ANKRD33B: variants seen among roughly 807,000 people sequenced by gnomAD.
The protein encoded by ANKRD33B is ankyrin repeat domain 33B.
ANKRD33B carries 6 observed loss-of-function variants against 21.5 expected under a neutral mutation model. The ratio of observed to expected loss-of-function variants is 0.28; its 90% CI spans 0.15 to 0.55. ANKRD33B has a LOEUF of 0.55. Ranked by LOEUF, ANKRD33B falls within the 20% of genes least tolerant of loss-of-function variation. ANKRD33B has a pLI of 0.94. For synonymous variants in ANKRD33B, 347 were observed against 342.4 expected, an observed-to-expected ratio of 1.01 and a Z score of -0.15; for missense variants, 698 against 747.2, an observed-to-expected ratio of 0.93 and a Z score of 0.77.
intron 1 of ANKRD33B, among the ~76,000 whole-genome samples, chr5:10,615,628 G>GTGTC (rs1736268192): frequency 1.3e-5 from 2 of 152,196 alleles, no homozygotes; most frequent in African/African-American, 2.4e-5. Flanking sequence ...GCATATGTGT[G>GTGTC]TGTCTGGTCT....
chr5:10,654,941 A>C lies in ANKRD33B; in HGVS notation c.*4828A>C, dbSNP rs561142017. On this transcript the variant is annotated 3_prime_UTR_variant, in exon 4 of 4. Transcript: ENST00000296657. ...TGTGCAGAGGCTGCCCCTTGGCCGC[A>C]CTTGGGAACATCGTGGACATCTTCC... is the stretch of plus-strand genomic sequence containing the variant. 4 of 152,554 alleles carry C rather than the reference A, an allele frequency of 2.6e-5. No individual in the cohort carries two copies. Among genetic ancestry groups the C allele is most frequent in the African/African-American group, 9.6e-5 (4 of 41,574 alleles). The allele number at this position is 152,554 out of a possible 1,614,324, so 9.5% of individuals were successfully genotyped here. A position where few individuals can be genotyped will look rare whatever the true frequency, so the allele number is the denominator to read the frequency against.
chr5:10,623,408 G>A (rs1002441809), intron 2 of ANKRD33B, among the ~76,000 whole-genome samples: 1 of 152,172 alleles, frequency 6.6e-6, no homozygotes, highest in African/African-American at 2.4e-5. Context: ...GCTTCTCTCT[G>A]TTGCCTTTGG....
chr5:10,632,075 G>A (rs146819125), intron 2 of ANKRD33B, among the ~76,000 whole-genome samples: 4 of 151,718 alleles, frequency 2.6e-5, no homozygotes, highest in African/African-American at 9.7e-5. Flanking sequence ...TCATAGCCAG[G>A]ACTCAGTTTT....
chr5:10,654,252 G>A lies in ANKRD33B; in HGVS notation c.*4139G>A, dbSNP rs751085527. The A allele has an allele frequency of 2.7e-4, 41 of 152,320 alleles. No individual in the cohort carries two copies. The highest frequency in any genetic ancestry group is 4.4e-4 in the Non-Finnish European group (30 of 68,090). 9.4% of individuals were successfully genotyped at this position (152,320 alleles called of 1,614,324 possible). ...TACACGGCTGTGCCTCTCCCACCCCGTCCTCTTTGCTCGGAAGGGAGACCT... is the reference window on the plus strand; with the variant it reads ...TACACGGCTGTGCCTCTCCCACCCCATCCTCTTTGCTCGGAAGGGAGACCT... On this transcript the variant is annotated 3_prime_UTR_variant, in exon 4 of 4. Coordinates refer to ENST00000296657, the MANE Select transcript of ANKRD33B (RefSeq NM_001164440.2).
Position 10,617,253 on chromosome 5 carries a change from C to T in ANKRD33B, c.367-1080C>T, listed in dbSNP as rs367908185. On this transcript the variant is annotated intron_variant, in intron 1 of 3. Transcript: ENST00000296657. ...GCTTGGTTCTCTCTCCATGACTCCACGCTGCTATTCATCTCTACCTGACGT... is the reference window on the plus strand; with the variant it reads ...GCTTGGTTCTCTCTCCATGACTCCATGCTGCTATTCATCTCTACCTGACGT... Among the ~76,000 whole-genome samples, 30 of 152,314 alleles carry T rather than the reference C, an allele frequency of 2.0e-4. No individual in the cohort carries two copies. In the South Asian group the frequency reaches 5.8e-3, roughly 29 times the overall value.
At chr5:10,614,519 C>T (rs1290750612) in intron 1 of ANKRD33B, among the ~76,000 whole-genome samples, 1 of 152,190 alleles carries the variant, frequency 6.6e-6, no homozygotes, top group African/African-American at 2.4e-5. Context: ...GGTCTTCCCA[C>T]CTTGGCCTCC....
chr5:10,638,821 G>T (rs1429726617), intron 3 of ANKRD33B, among the ~76,000 whole-genome samples: 3 of 152,212 alleles, frequency 2.0e-5, no homozygotes, highest in Admixed American at 6.5e-5. Context: ...GGTAATGTTA[G>T]GAGGTGATCC....
At chr5:10,630,794 A>G (rs1197752061) in intron 2 of ANKRD33B, among the ~76,000 whole-genome samples, 1 of 151,236 alleles carries the variant, frequency 6.6e-6, no homozygotes, top group African/African-American at 2.4e-5. Flanking sequence ...AATGGCTTGA[A>G]CCCAGGAGGC....
At chr5:10,640,081 T>C (rs377740560) in intron 3 of ANKRD33B, among the ~76,000 whole-genome samples, 1,311 of 49,260 alleles carry the variant, frequency 0.027, 97 homozygotes, top group African/African-American at 0.081. Flanking sequence ...TGGAGTTGCG[T>C]GGTAATGTTA....
At chr5:10,612,386 A>AT (rs764576771) in intron 1 of ANKRD33B, among the ~76,000 whole-genome samples, 15 of 152,214 alleles carry the variant, frequency 9.9e-5, no homozygotes, top group Non-Finnish European at 2.1e-4. Flanking sequence ...GTCCTCTTGT[A>AT]TAAGGGCACC....
chr5:10,617,398 C>G (rs935493432), intron 1 of ANKRD33B, among the ~76,000 whole-genome samples: 1 of 152,222 alleles, frequency 6.6e-6, no homozygotes, highest in African/African-American at 2.4e-5. Context: ...TGCATCCTCT[C>G]AGCTGCTAGG....
chr5:10,570,364 G>T (rs1735153305), intron 1 of ANKRD33B, among the ~76,000 whole-genome samples: 3 of 152,140 alleles, frequency 2.0e-5, no homozygotes, highest in Admixed American at 6.5e-5. Context: ...CGAATGGCAA[G>T]ACCAAAACAG....
At chr5:10,597,301 C>T (rs1735839674) in intron 1 of ANKRD33B, among the ~76,000 whole-genome samples, 1 of 152,144 alleles carries the variant, frequency 6.6e-6, no homozygotes, top group Admixed American at 6.6e-5. Context: ...AGACTCATCT[C>T]ACATGCAAAG....
chr5:10,646,137 A>AT (rs148261083), intron 3 of ANKRD33B, among the ~76,000 whole-genome samples: 1 of 152,230 alleles, frequency 6.6e-6, no homozygotes, highest in East Asian at 1.9e-4. Context: ...GAAATAGAGG[A>AT]TTTTGTGTAG....
chr5:10,649,923 C>G lies in ANKRD33B; in HGVS notation c.1295C>G (p.Pro432Arg). 6.6e-7 allele frequency: 1 copy of G among 1,524,242 alleles called. No individual in the cohort carries two copies. The highest frequency in any genetic ancestry group is 8.8e-7 in the Non-Finnish European group (1 of 1,141,574). 94.4% of individuals were successfully genotyped at this position (1,524,242 alleles called of 1,614,324 possible). A position where few individuals can be genotyped will look rare whatever the true frequency, so the allele number is the denominator to read the frequency against. Residue 432 changes from proline (P) to arginine (R), a missense_variant, in exon 4 of 4, where the codon CCC becomes CGC. Pro to Arg is a moderately radical substitution (Grantham distance 103, BLOSUM62 -2). Around this residue, in one of 3 missense-constraint regions of ANKRD33B, gnomAD observed 543 missense variants for 566.5 expected, o/e 0.96. Transcript: ENST00000296657. ...VVPRVRVSKA[P>R]APTFQPERPA... ...CCCCGGGTCCGAGTCAGCAAGGCGC[C>G]CGCGCCCACCTTCCAGCCCGAGCGG...
At chr5:10,643,911 C>A (rs11133619) in intron 3 of ANKRD33B, among the ~76,000 whole-genome samples, 2 of 149,608 alleles carry the variant, frequency 1.3e-5, no homozygotes, top group South Asian at 4.2e-4. Flanking sequence ...GTAGAACTTA[C>A]GGAATATTTT....
chr5:10,641,210 C>CTTCTTCTTT (rs1489227099), intron 3 of ANKRD33B, among the ~76,000 whole-genome samples: 1 of 112,264 alleles, frequency 8.9e-6, no homozygotes, highest in Admixed American at 8.6e-5. Context: ...TGTCCCCAGT[C>CTTCTTCTTT]TTCTTCTTCT....
chr5:10,612,691 C>G (rs553332738), intron 1 of ANKRD33B, among the ~76,000 whole-genome samples: 1 of 152,210 alleles, frequency 6.6e-6, no homozygotes, highest in African/African-American at 2.4e-5. Flanking sequence ...ATGCTGTCAT[C>G]GATGTTTATC....
Position 10,649,717 on chromosome 5 carries a change from G to A in ANKRD33B, c.1089G>A (p.Gly363=). 6.6e-7 allele frequency: 1 copy of A among 1,504,712 alleles called. No individual in the cohort carries two copies. Among genetic ancestry groups the A allele is most frequent in the Non-Finnish European group, 8.8e-7 (1 of 1,130,492 alleles). 93.2% of individuals were successfully genotyped at this position (1,504,712 alleles called of 1,614,324 possible). ...GPQAQEEDEV[G]GAGQRGRTGQ... is the part of the protein sequence containing the mutation. ...AGGCGCAGGAGGAGGATGAGGTGGG[G>A]GGCGCGGGGCAGCGCGGGCGGACCG... The change falls in exon 4 of 4, where the codon GGG becomes GGA. Residue 363 remains glycine, a synonymous_variant. Transcript: ENST00000296657.
Sources: gnomAD v4.1 joint callset for allele counts (sites outside exome capture counted in the v4.1 genomes callset) on GRCh38, gnomAD v4.1.1 for gene constraint, gnomAD v4.1.1 regional missense constraint, MANE v1.5 for transcripts, NCBI Gene and HGNC (gene_info 2026-07-23, HGNC 2026-07-21) for gene names.